TBCEL: variants seen among roughly 807,000 people sequenced by gnomAD.
TBCEL encodes tubulin-specific chaperone cofactor E-like protein.
A neutral mutation model predicts 44.2 loss-of-function variants in TBCEL; 15 were observed. The observed-to-expected ratio is 0.34, with a 90% confidence interval of 0.23 to 0.52. The LOEUF (loss-of-function observed/expected upper bound fraction) is 0.52. Among genes scored for constraint, TBCEL ranks in the 20% least tolerant of loss-of-function variants. The probability of loss-of-function intolerance (pLI) is 0.95; values close to 1 mark genes in which losing one functional copy is unlikely to be tolerated. For missense variants in TBCEL, 319 were observed against 506.3 expected (o/e 0.63, Z 3.55); for synonymous variants, 171 against 185.4 (o/e 0.92, Z 0.63).
intron 8 of TBCEL, among the ~76,000 whole-genome samples, chr11:121,080,336 A>G (rs1454908724): frequency 7.2e-5 from 11 of 152,180 alleles, no homozygotes; most frequent in Non-Finnish European, 1.6e-4. Flanking sequence ...TTAACTTGAG[A>G]CTACTATGTA....
At chr11:121,084,119 C>T (rs1467143057) in intron 8 of TBCEL, among the ~76,000 whole-genome samples, 2 of 152,132 alleles carry the variant, frequency 1.3e-5, no homozygotes, top group African/African-American at 2.4e-5. Context: ...GTGACCTAGT[C>T]GCCTCTAAAA....
At chr11:121,043,290 C>T (rs1945367718) in intron 2 of TBCEL, among the ~76,000 whole-genome samples, 1 of 152,034 alleles carries the variant, frequency 6.6e-6, no homozygotes, top group South Asian at 2.1e-4. Context: ...ATGCCTGATG[C>T]TATGAATTGA....
chr11:121,070,211 T>C (rs1180913498), intron 8 of TBCEL, among the ~76,000 whole-genome samples: 1 of 152,178 alleles, frequency 6.6e-6, no homozygotes, highest in Non-Finnish European at 1.5e-5. Context: ...CAACAGGTGC[T>C]GGAGAGGATG....
At chr11:121,030,018 G>A (rs1046505965) in intron 1 of TBCEL, among the ~76,000 whole-genome samples, 1 of 152,196 alleles carries the variant, frequency 6.6e-6, no homozygotes, top group East Asian at 1.9e-4. Context: ...AAGAATGACA[G>A]AGGGTGAAGT....
chr11:121,048,239 TATAA>T (rs1193544059), intron 4 of TBCEL, among the ~76,000 whole-genome samples: 1 of 151,884 alleles, frequency 6.6e-6, no homozygotes, highest in Non-Finnish European at 1.5e-5. Context: ...TGAGAATATA[TATAA>T]ATATATTTAT....
In TBCEL at chr11:121,024,553, GGGA is replaced by G. The variant is rs1428209454; in HGVS notation, c.-126+263_-126+265del. On this transcript the variant is annotated intron_variant, in intron 1 of 8. Transcript: ENST00000683345. ...GCTGGGCTGGGCTGGGCTGGGCTGGGGGACTGGTCCCGGGTTGGAGGAGGGCGT... is the reference window on the plus strand; with the variant it reads ...GCTGGGCTGGGCTGGGCTGGGCTGGGCTGGTCCCGGGTTGGAGGAGGGCGT... 4.3e-3 allele frequency among the ~76,000 whole-genome samples: 655 copies of G among 152,126 alleles called. 4 individuals carry two copies. Among genetic ancestry groups the G allele is most frequent in the Middle Eastern group, 0.014 (4 of 294 alleles).
intron 2 of TBCEL, among the ~76,000 whole-genome samples, chr11:121,038,500 A>G (rs544457251): frequency 5.3e-5 from 8 of 152,296 alleles, no homozygotes; most frequent in African/African-American, 1.9e-4. Context: ...AAGTTTGGAT[A>G]CAGTGGATAG....
chr11:121,074,919 C>T (rs563440389), intron 8 of TBCEL, among the ~76,000 whole-genome samples: 8 of 151,958 alleles, frequency 5.3e-5, no homozygotes, highest in Admixed American at 2.6e-4. Context: ...GTACCCTTCA[C>T]CTAGTTTCCC....
At chr11:121,044,451 A>T (rs904937393) in intron 2 of TBCEL, among the ~76,000 whole-genome samples, 4 of 152,074 alleles carry the variant, frequency 2.6e-5, no homozygotes, top group Non-Finnish European at 5.9e-5. Context: ...AACATCAGAT[A>T]TTTTGTGCTT....
intron 8 of TBCEL, 85 bp from the exon 9 acceptor site, chr11:121,086,693 A>G: frequency 2.1e-6 from 2 of 974,672 alleles, no homozygotes; most frequent in Non-Finnish European, 1.5e-6. Context: ...TGAGCCTAGT[A>G]ATATTGTTTA....
chr11:121,086,857 G>C lies in TBCEL; in HGVS notation c.1036G>C (p.Val346Leu). Residue 346 changes from valine (V) to leucine (L), a missense_variant, in exon 9 of 9, where the codon GTA (valine) becomes CTA (leucine). Val to Leu is a conservative substitution (Grantham distance 32). Transcript: ENST00000683345. ...CCTAAGACCCCAGAGCAGTGCAAAA[G>C]TAGAAGTCCACTTTAACGATCAGGT... ...VDLRPQSSAKVEVHFNDQVEE... is the reference protein window; with the variant it reads ...VDLRPQSSAKLEVHFNDQVEE... 1.2e-6 allele frequency: 2 copies of C among 1,614,032 alleles called. No homozygotes were observed. The highest frequency in any genetic ancestry group is 1.7e-6 in the Non-Finnish European group (2 of 1,179,972).
In TBCEL at chr11:121,087,132, A is replaced by G; in HGVS notation, c.*36A>G. 6.4e-7 allele frequency: 1 copy of G among 1,565,694 alleles called. No homozygotes were observed. The highest frequency in any genetic ancestry group is 1.2e-5 in the South Asian group (1 of 83,848). On this transcript the variant is annotated 3_prime_UTR_variant, in exon 9 of 9. Coordinates refer to ENST00000683345, the MANE Select transcript of TBCEL (RefSeq NM_001363644.2). ...CCTTGTGAAAAACATACACATAAGGACTTGTTGCAGGGCATTTGTTTTTAA... is the reference window on the plus strand; with the variant it reads ...CCTTGTGAAAAACATACACATAAGGGCTTGTTGCAGGGCATTTGTTTTTAA...
intron 8 of TBCEL, among the ~76,000 whole-genome samples, chr11:121,068,382 C>A (rs1945860945): frequency 6.6e-6 from 1 of 151,706 alleles, no homozygotes; most frequent in South Asian, 2.1e-4. Flanking sequence ...CACATCTGGT[C>A]TGTTTTTTTT....
intron 1 of TBCEL, among the ~76,000 whole-genome samples, chr11:121,032,413 G>C (rs1377208020): frequency 6.6e-6 from 1 of 152,140 alleles, no homozygotes; most frequent in East Asian, 1.9e-4. Context: ...GGAAATATAG[G>C]ATTAGGTTCC....
chr11:121,057,369 A>C (rs1262388654), intron 6 of TBCEL: 1 of 289,782 alleles, frequency 3.5e-6, no homozygotes, highest in Non-Finnish European at 6.7e-6. Flanking sequence ...CTGACTTAGA[A>C]GTCAAGTATT....
intron 8 of TBCEL, among the ~76,000 whole-genome samples, chr11:121,079,694 T>G (rs1479581176): frequency 6.6e-6 from 1 of 152,202 alleles, no homozygotes; most frequent in Non-Finnish European, 1.5e-5. Context: ...TGTCCCAGGA[T>G]ATGATGCCAC....
intron 2 of TBCEL, among the ~76,000 whole-genome samples, chr11:121,043,660 C>G (rs1665373266): frequency 6.6e-6 from 1 of 152,022 alleles, no homozygotes; most frequent in Admixed American, 6.6e-5. Context: ...TGACAGTTGC[C>G]TGGATTCCCT....
intron 8 of TBCEL, among the ~76,000 whole-genome samples, chr11:121,076,165 A>G (rs1265116468): frequency 6.6e-6 from 1 of 151,850 alleles, no homozygotes; most frequent in Non-Finnish European, 1.5e-5. Flanking sequence ...AGCTGTTCTA[A>G]TTCCTTGCCT....
chr11:121,081,623 G>A (rs1306309905), intron 8 of TBCEL, among the ~76,000 whole-genome samples: 1 of 152,190 alleles, frequency 6.6e-6, no homozygotes, highest in Non-Finnish European at 1.5e-5. Flanking sequence ...AGTTCAGTTT[G>A]GATGGACTTT....
Sources: allele counts gnomAD v4.1 joint callset (sites outside exome capture counted in the v4.1 genomes callset), GRCh38; gene constraint gnomAD v4.1.1; transcripts MANE v1.5; gene names NCBI Gene and HGNC (gene_info 2026-07-23, HGNC 2026-07-21).